Variants in GLRA1 observed in about 807,000 individuals in gnomAD.
GLRA1 encodes the protein glycine receptor subunit alpha-1.
GLRA1 carries 37 observed loss-of-function variants against 48.3 expected under a neutral mutation model. The observed-to-expected ratio is 0.77, with a 90% CI of 0.59 to 1.01. The LOEUF (loss-of-function observed/expected upper bound fraction) is 1.01. Ranked by LOEUF, GLRA1 falls within the 50% of genes least tolerant of loss-of-function variation. The probability of loss-of-function intolerance (pLI) is 0.00; values close to 1 mark genes in which losing one functional copy is unlikely to be tolerated. For missense variants in GLRA1, 427 were observed against 571.0 expected, an observed-to-expected ratio of 0.75 and a Z score of 2.57; for synonymous variants, 196 against 210.7, an observed-to-expected ratio of 0.93 and a Z score of 0.60.
At chr5:151,918,682 A>T (rs562030986) in intron 1 of GLRA1, among the ~76,000 whole-genome samples, 1 of 152,326 alleles carries the variant, frequency 6.6e-6, no homozygotes, top group South Asian at 2.1e-4. Context: ...CTTGCATTTC[A>T]TTCACTCTTC....
At chr5:151,907,841 G>A (rs548145417) in intron 1 of GLRA1, among the ~76,000 whole-genome samples, 18 of 152,342 alleles carry the variant, frequency 1.2e-4, no homozygotes, top group Middle Eastern at 3.4e-3. Flanking sequence ...TCTCTTTCTT[G>A]CCTGGGATTT....
At chr5:151,874,723 G>A (rs917510513) in intron 3 of GLRA1, among the ~76,000 whole-genome samples, 1 of 152,176 alleles carries the variant, frequency 6.6e-6, no homozygotes, top group Non-Finnish European at 1.5e-5. Context: ...AGGTAGGGGG[G>A]TGGAGAAGGA....
At chr5:151,897,580 T>G (rs924408512) in intron 1 of GLRA1, among the ~76,000 whole-genome samples, 4 of 152,180 alleles carry the variant, frequency 2.6e-5, no homozygotes. Flanking sequence ...TATTCCTTAC[T>G]GAGAAGGCTT....
chr5:151,850,931 T>C, intron 7 of GLRA1: 3 of 506,288 alleles, frequency 5.9e-6, no homozygotes, highest in Non-Finnish European at 1.1e-5. Context: ...AATTAAAAAA[T>C]AAATAAATCT....
chr5:151,849,013 G>T, intron 7 of GLRA1: 1 of 661,338 alleles, frequency 1.5e-6, no homozygotes, highest in South Asian at 1.7e-5. Context: ...GGCGCTGCAA[G>T]ACCCAGACTC....
intron 1 of GLRA1, among the ~76,000 whole-genome samples, chr5:151,899,208 G>A (rs1052041355): frequency 3.3e-5 from 5 of 152,194 alleles, no homozygotes; most frequent in Admixed American, 3.3e-4. Context: ...AGGTACTTAA[G>A]AAATTATAAG....
intron 6 of GLRA1, among the ~76,000 whole-genome samples, chr5:151,854,403 T>C (rs1004063128): frequency 6.6e-6 from 1 of 152,248 alleles, no homozygotes; most frequent in Non-Finnish European, 1.5e-5. Context: ...CCCAGCTTCC[T>C]ACCCATCCTT....
intron 5 of GLRA1, 47 bp from the exon 6 acceptor site, chr5:151,855,224 G>GT (rs1453343787): frequency 2.5e-6 from 4 of 1,594,582 alleles, no homozygotes; most frequent in Middle Eastern, 1.7e-4. Context: ...AGAAGCACTT[G>GT]TTTGAAGCAT....
Position 151,828,948 on chromosome 5 carries a change from T to C in GLRA1, c.1032A>G (p.Arg344=), listed in dbSNP as rs78363193. The change falls in exon 8 of 9, where the codon CGA becomes CGG. Residue 344 remains arginine (R), a synonymous_variant. Transcript: ENST00000274576. ...FVSRQHKELL[R]FRRKRRHHKE... ...TGTGATGTCTCCGCTTCCTCCTGAA[T>C]CGGAGCAGCTCCTTATGTTGCCGAG... is the stretch of plus-strand genomic sequence containing the variant. 5.6e-5 allele frequency: 90 copies of C among 1,614,038 alleles called. No individual in the cohort carries two copies. The East Asian group carries it at 2.0e-3, about 35-fold the overall frequency.
chr5:151,852,522 A>G (rs1298567600), intron 6 of GLRA1, among the ~76,000 whole-genome samples: 4 of 152,192 alleles, frequency 2.6e-5, no homozygotes. Context: ...TGGAACTGGG[A>G]TGGGGCCAGT....
chr5:151,911,592 A>G (rs1363533973), intron 1 of GLRA1, among the ~76,000 whole-genome samples: 1 of 150,910 alleles, frequency 6.6e-6, no homozygotes, highest in African/African-American at 2.4e-5. Context: ...ATTGATTCCC[A>G]AGCTAGAGTT....
chr5:151,823,613 C>T (rs1464819608), intron 8 of GLRA1, among the ~76,000 whole-genome samples: 1 of 152,342 alleles, frequency 6.6e-6, no homozygotes, highest in Non-Finnish European at 1.5e-5. Context: ...TACGTTCCCA[C>T]ATCCCTGGCA....
intron 1 of GLRA1, among the ~76,000 whole-genome samples, chr5:151,918,021 CA>C (rs1343229818): frequency 6.6e-6 from 1 of 152,174 alleles, no homozygotes; most frequent in Non-Finnish European, 1.5e-5. Flanking sequence ...CAGCCCAATT[CA>C]AAGGCAGAGA....
At chr5:151,832,825 C>T (rs916851074) in intron 7 of GLRA1, among the ~76,000 whole-genome samples, 2 of 152,014 alleles carry the variant, frequency 1.3e-5, no homozygotes, top group African/African-American at 4.8e-5. Context: ...CTCGAGAAGA[C>T]CAACCGCAAG....
intron 8 of GLRA1, among the ~76,000 whole-genome samples, chr5:151,827,947 A>G (rs1273197572): frequency 1.3e-5 from 2 of 152,190 alleles, no homozygotes; most frequent in Non-Finnish European, 2.9e-5. Flanking sequence ...TTTAACAAAT[A>G]CTTATTGCAT....
chr5:151,872,136 A>T (rs1753500917), intron 3 of GLRA1, among the ~76,000 whole-genome samples: 1 of 149,812 alleles, frequency 6.7e-6, no homozygotes, highest in East Asian at 1.9e-4. Flanking sequence ...GTAGAAAAAC[A>T]GTGACTGTTT....
intron 7 of GLRA1, among the ~76,000 whole-genome samples, chr5:151,844,638 A>C (rs893503458): frequency 6.7e-6 from 1 of 149,184 alleles, no homozygotes; most frequent in Non-Finnish European, 1.5e-5. Context: ...AAAAAAAAAA[A>C]AAAGAAAAAG....
At chr5:151,826,647 ATC>A (rs1241619684) in intron 8 of GLRA1, among the ~76,000 whole-genome samples, 1 of 152,200 alleles carries the variant, frequency 6.6e-6, no homozygotes, top group Non-Finnish European at 1.5e-5. Flanking sequence ...GAGCAGGAGA[ATC>A]TGATCAAATC....
chr5:151,924,328 C>T (rs1392603576), intron 1 of GLRA1, among the ~76,000 whole-genome samples, 166 bp downstream of exon 1: 1 of 10,828 alleles, frequency 9.2e-5, no homozygotes, highest in Non-Finnish European at 1.9e-4. Flanking sequence ...GGGTGGGTGG[C>T]GGGGGGTGGG....
Sources: gnomAD v4.1 joint callset for allele counts (sites outside exome capture counted in the v4.1 genomes callset) on GRCh38, gnomAD v4.1.1 for gene constraint, MANE v1.5 for transcripts, NCBI Gene and HGNC (gene_info 2026-07-23, HGNC 2026-07-21) for gene names.